The following C12orf54 variants were observed in gnomAD, a reference collection of about 807,000 sequenced individuals.
The protein encoded by C12orf54 is chromosome 12 open reading frame 54.
C12orf54 carries 24 observed loss-of-function variants against 26.4 expected under a neutral mutation model. The ratio of observed to expected loss-of-function variants is 0.91; its 90% CI spans 0.66 to 1.28. The LOEUF (loss-of-function observed/expected upper bound fraction) is 1.28, where lower values mean the gene tolerates loss of function less well. Ranked by LOEUF, C12orf54 falls within the 50% of genes most tolerant of loss-of-function variation. The pLI is 0.00. For missense variants in C12orf54, 154 were observed against 150.9 expected (o/e 1.02, Z -0.11); for synonymous variants, 54 against 47.0 (o/e 1.15, Z -0.61).
the C12orf54 span, chr12:48,473,439 T>A: frequency 1.6e-6 from 1 of 633,510 alleles, no homozygotes; most frequent in South Asian, 1.7e-5. Context: ...TTTGAAAAAT[T>A]CCTTTTGTGA....
the C12orf54 span, among the ~76,000 whole-genome samples, chr12:48,423,244 T>C: frequency 2.6e-5 from 4 of 152,084 alleles, no homozygotes; most frequent in Non-Finnish European, 5.9e-5. Flanking sequence ...ACACAGGAAA[T>C]GCTATAATAA....
At chr12:48,481,213 A>T (rs5015020), upstream of C12orf54, among the ~76,000 whole-genome samples, 144 of 113,180 alleles carry the variant, frequency 1.3e-3, no homozygotes, top group East Asian at 6.6e-3. Context: ...TTTTTTTTAA[A>T]AAAAATGACT....
At chr12:48,449,530 G>T in the C12orf54 span, among the ~76,000 whole-genome samples, 37 of 152,070 alleles carry the variant, frequency 2.4e-4, no homozygotes, top group Middle Eastern at 3.2e-3. Context: ...GGCAAGATAA[G>T]AACAAATCAG....
chr12:48,457,241 T>G, the C12orf54 span, among the ~76,000 whole-genome samples: 3 of 152,002 alleles, frequency 2.0e-5, no homozygotes. Flanking sequence ...GGCCGTAAGC[T>G]TGGTGCCAAA....
chr12:48,421,678 C>T, the C12orf54 span, among the ~76,000 whole-genome samples: 5 of 151,818 alleles, frequency 3.3e-5, no homozygotes, highest in Admixed American at 6.6e-5. Context: ...TATAGGCGCA[C>T]GCCACCACAC....
At chr12:48,484,795 A>T (rs1309193031) in intron 2 of C12orf54, among the ~76,000 whole-genome samples, 2 of 152,240 alleles carry the variant, frequency 1.3e-5, no homozygotes, top group Admixed American at 6.5e-5. Context: ...AATACTCTTG[A>T]TTTGATCATT....
the C12orf54 span, among the ~76,000 whole-genome samples, chr12:48,413,805 A>G: frequency 9.2e-5 from 14 of 151,922 alleles, no homozygotes; most frequent in Admixed American, 1.3e-4. Context: ...CCTACTTTGT[A>G]TTGCTTGAGG....
chr12:48,441,442 G>A, the C12orf54 span, among the ~76,000 whole-genome samples: 13 of 151,954 alleles, frequency 8.6e-5, no homozygotes, highest in African/African-American at 3.1e-4. Flanking sequence ...CAGCCTGGGC[G>A]ACCAAAAGAG....
chr12:48,486,044 C>A lies in C12orf54; in HGVS notation c.66-134C>A, dbSNP rs150178163. 1.1e-4 allele frequency: 83 copies of A among 781,628 alleles called. 1 individual carries two copies. The East Asian group carries it at 1.8e-3, about 17-fold the overall frequency. 48.4% of individuals were successfully genotyped at this position (781,628 alleles called of 1,614,324 possible). A position where few individuals can be genotyped will look rare whatever the true frequency, so the allele number is the denominator to read the frequency against. ...CATAAAGGGATATGAGAGGCAGGACCGTGGCTACCCTTCCTGGATTTTTAG... is the reference window on the plus strand; with the variant it reads ...CATAAAGGGATATGAGAGGCAGGACAGTGGCTACCCTTCCTGGATTTTTAG... On this transcript the variant is annotated intron_variant, in intron 2 of 8. Coordinates refer to ENST00000548364, the MANE Select transcript of C12orf54 (RefSeq NM_152319.4).
At chr12:48,476,757 A>T in the C12orf54 span, among the ~76,000 whole-genome samples, 1 of 152,160 alleles carries the variant, frequency 6.6e-6, no homozygotes, top group Admixed American at 6.5e-5. Context: ...AAGTCCTTAG[A>T]GACCTACAAA....
At chr12:48,420,648 A>G in the C12orf54 span, among the ~76,000 whole-genome samples, 1 of 152,196 alleles carries the variant, frequency 6.6e-6, no homozygotes, top group African/African-American at 2.4e-5. Flanking sequence ...CAGATGGCCT[A>G]ATCACAGAGA....
the C12orf54 span, among the ~76,000 whole-genome samples, chr12:48,449,586 A>G: frequency 3.3e-5 from 5 of 152,146 alleles, no homozygotes; most frequent in Admixed American, 2.0e-4. Context: ...AAAAGTTTTC[A>G]CTAGGCTTTG....
chr12:48,453,258 G>C, the C12orf54 span, among the ~76,000 whole-genome samples: 4 of 152,134 alleles, frequency 2.6e-5, no homozygotes, highest in East Asian at 7.8e-4. Flanking sequence ...AACACCACAT[G>C]TTCTCACTTA....
At chr12:48,438,927 C>T in the C12orf54 span, among the ~76,000 whole-genome samples, 1,112 of 152,136 alleles carry the variant, frequency 7.3e-3, 19 homozygotes, top group African/African-American at 0.025. Context: ...AACTAAAGAG[C>T]TTCTGCACAG....
the C12orf54 span, among the ~76,000 whole-genome samples, chr12:48,441,449 A>T: frequency 6.6e-6 from 1 of 152,070 alleles, no homozygotes; most frequent in Non-Finnish European, 1.5e-5. Context: ...GGCGACCAAA[A>T]GAGGCCGTCT....
At chr12:48,455,556 A>G in the C12orf54 span, among the ~76,000 whole-genome samples, 1 of 152,216 alleles carries the variant, frequency 6.6e-6, no homozygotes, top group Non-Finnish European at 1.5e-5. Flanking sequence ...AGACACAACC[A>G]TATTCAGCCA....
At chr12:48,462,581 A>G in the C12orf54 span, among the ~76,000 whole-genome samples, 22 of 151,680 alleles carry the variant, frequency 1.5e-4, no homozygotes, top group African/African-American at 4.8e-4. Context: ...CATTGGTTTA[A>G]CATTCAAAAA....
At chr12:48,425,969 A>G in the C12orf54 span, among the ~76,000 whole-genome samples, 7 of 139,726 alleles carry the variant, frequency 5.0e-5, no homozygotes, top group East Asian at 1.1e-3. Flanking sequence ...AGTTCCTTAT[A>G]GATGCTGAAT....
chr12:48,473,524 C>G, the C12orf54 span: 2 of 366,874 alleles, frequency 5.5e-6, no homozygotes, highest in Non-Finnish European at 1.1e-5. Flanking sequence ...CTGATTGTAA[C>G]GTTGCTGTGG....
Sources: gnomAD v4.1 joint callset for allele counts (sites outside exome capture counted in the v4.1 genomes callset) on GRCh38, gnomAD v4.1.1 for gene constraint, MANE v1.5 for transcripts, NCBI Gene and HGNC (gene_info 2026-07-23, HGNC 2026-07-21) for gene names.